The following E2F6 variants were observed in gnomAD, a reference collection of about 807,000 sequenced individuals.
The protein encoded by E2F6 is transcription factor E2F6.
A neutral mutation model predicts 31.5 loss-of-function variants in E2F6; 19 were observed. The observed-to-expected ratio is 0.60, with a 90% confidence interval of 0.42 to 0.89. The LOEUF (loss-of-function observed/expected upper bound fraction) is 0.89. Among genes scored for constraint, E2F6 ranks in the 40% least tolerant of loss-of-function variants. The pLI, the probability that E2F6 is intolerant of heterozygous loss-of-function variation, is 0.00. For missense variants in E2F6, 269 were observed against 341.6 expected, an observed-to-expected ratio of 0.79 and a Z score of 1.67; for synonymous variants, 121 against 127.7, an observed-to-expected ratio of 0.95 and a Z score of 0.36.
intron 2 of E2F6, chr2:11,455,446 A>G: frequency 7.7e-7 from 1 of 1,295,296 alleles, no homozygotes; most frequent in African/African-American, 1.5e-5. Flanking sequence ...CATAATATAA[A>G]TGTCTTCTCT....
In E2F6 at chr2:11,444,946, CAG is replaced by C. The variant is rs779281807; in HGVS notation, c.*1529_*1530del. 2 of 152,152 alleles carry C rather than the reference CAG, an allele frequency of 1.3e-5. No homozygotes were observed. Among genetic ancestry groups the C allele is most frequent in the Non-Finnish European group, 2.9e-5 (2 of 68,040 alleles). The allele number at this position is 152,152 out of a possible 1,614,324, so 9.4% of individuals were successfully genotyped here. ...CTTTGGCTAATTTCAAATAATAAAACAGAGGGAGGAAAAGCATTGAGGCTAAC... is the reference window on the plus strand; with the variant it reads ...CTTTGGCTAATTTCAAATAATAAAACAGGGAGGAAAAGCATTGAGGCTAAC... On this transcript the variant is annotated 3_prime_UTR_variant, in exon 7 of 7. Transcript: ENST00000381525.
At position 11,457,199 on chromosome 2, in the gene E2F6, A is replaced by C. The variant is rs2148351678; in HGVS notation, c.143T>G (p.Val48Gly). The change falls in exon 2 of 7, where the codon GTA (valine) becomes GGA (glycine). Residue 48 changes from valine to glycine, a missense_variant. Transcript: ENST00000381525. ...CTTACTTCTCATGGACACATATTGTACATTATCTTCTAAATTAATCCTTAT... is the reference window on the plus strand; with the variant it reads ...CTTACTTCTCATGGACACATATTGTCCATTATCTTCTAAATTAATCCTTAT... ...SKIRINLEDN[V>G]QYVSMRKALK... 6.4e-7 allele frequency: 1 copy of C among 1,571,092 alleles called. No homozygotes were observed. The highest frequency in any genetic ancestry group is 2.3e-5 in the East Asian group (1 of 44,426).
At chr2:11,447,926 T>C (rs1057140840) in intron 5 of E2F6, 152 bp from the exon 6 acceptor site, 4 of 847,798 alleles carry the variant, frequency 4.7e-6, no homozygotes, top group Admixed American at 3.0e-5. Context: ...TGAAGACAGC[T>C]ACATGTGATC....
chr2:11,449,623 G>A (rs1670934441), intron 5 of E2F6, among the ~76,000 whole-genome samples: 1 of 152,184 alleles, frequency 6.6e-6, no homozygotes, highest in Non-Finnish European at 1.5e-5. Flanking sequence ...AGTCTTTCAA[G>A]AGTTTGTTAA....
intron 6 of E2F6, 60 bp from the exon 7 acceptor site, chr2:11,446,583 T>C (rs1228511570): frequency 7.2e-6 from 10 of 1,394,388 alleles, no homozygotes; most frequent in Non-Finnish European, 1.0e-5. Context: ...GAAGGTCTGA[T>C]AGGCAAATAC....
At chr2:11,448,680 T>C (rs187922294) in intron 5 of E2F6, among the ~76,000 whole-genome samples, 2 of 152,340 alleles carry the variant, frequency 1.3e-5, no homozygotes, top group East Asian at 1.9e-4. Flanking sequence ...TACAATTTAA[T>C]AGATATTTCT....
intron 1 of E2F6, 32 bp from the exon 2 acceptor site, chr2:11,457,265 G>T: frequency 1.5e-6 from 2 of 1,357,264 alleles, no homozygotes; most frequent in South Asian, 1.2e-5. Flanking sequence ...TTAACTTAGT[G>T]ATTTTAAAAC....
At chr2:11,457,905 A>G (rs1671509701) in intron 1 of E2F6, among the ~76,000 whole-genome samples, 1 of 152,220 alleles carries the variant, frequency 6.6e-6, no homozygotes, top group South Asian at 2.1e-4. Context: ...GTAACTAGAA[A>G]CTTTTGCGTT....
chr2:11,447,689 T>C lies in E2F6; in HGVS notation c.737A>G (p.Lys246Arg). 1.9e-6 allele frequency: 3 copies of C among 1,612,118 alleles called. No individual in the cohort carries two copies. The highest frequency in any genetic ancestry group is 2.5e-6 in the Non-Finnish European group (3 of 1,179,938). ...CEVEQGQTSNKRSEGVGTSSS... is the reference protein window; with the variant it reads ...CEVEQGQTSNRRSEGVGTSSS... ...AGAGGTCCCGACACCTTCAGACCTT[T>C]TGTTACTGGTCTGACCCTGCTCCAC... The change falls in exon 6 of 7, where the codon AAA becomes AGA. Residue 246 changes from lysine (K) to arginine (R), a missense_variant. By Grantham distance (26) the Lys-to-Arg change is conservative. Coordinates refer to ENST00000381525, the MANE Select transcript of E2F6 (RefSeq NM_198256.4).
intron 2 of E2F6, among the ~76,000 whole-genome samples, chr2:11,456,528 T>C (rs1321783489): frequency 6.6e-6 from 1 of 152,212 alleles, no homozygotes; most frequent in Non-Finnish European, 1.5e-5. Context: ...GTAAGAATTC[T>C]AATCCATACC....
At chr2:11,455,635 T>C (rs1671356278) in intron 2 of E2F6, among the ~76,000 whole-genome samples, 1 of 152,354 alleles carries the variant, frequency 6.6e-6, no homozygotes, top group African/African-American at 2.4e-5. Flanking sequence ...CATGGTCTTA[T>C]ATGCTCAGGA....
intron 2 of E2F6, among the ~76,000 whole-genome samples, chr2:11,456,353 T>C (rs952380731): frequency 2.0e-5 from 3 of 152,026 alleles, no homozygotes; most frequent in Admixed American, 2.0e-4. Flanking sequence ...CTGACTGCCT[T>C]CTAAGAAGGA....
intron 1 of E2F6, among the ~76,000 whole-genome samples, chr2:11,460,440 G>C (rs1224394102): frequency 6.6e-6 from 1 of 152,102 alleles, no homozygotes. Context: ...AGATTCTCTG[G>C]CCTTTGGACT....
At chr2:11,448,845 T>A (rs936895864) in intron 5 of E2F6, among the ~76,000 whole-genome samples, 1 of 152,174 alleles carries the variant, frequency 6.6e-6, no homozygotes, top group Non-Finnish European at 1.5e-5. Flanking sequence ...TGTAAACAAA[T>A]GTGCATGTGG....
intron 3 of E2F6, 108 bp downstream of exon 3, chr2:11,453,474 G>A (rs889389204): frequency 3.3e-5 from 33 of 1,014,228 alleles, no homozygotes; most frequent in Middle Eastern, 3.2e-4. Context: ...ACAAGAAGTC[G>A]TACCTTTGTA....
intron 6 of E2F6, 88 bp from the exon 7 acceptor site, chr2:11,446,611 C>T: frequency 1.8e-6 from 2 of 1,116,556 alleles, no homozygotes; most frequent in Non-Finnish European, 2.7e-6. Context: ...AATACACAAT[C>T]TGACTACTTC....
At chr2:11,455,114 T>C (rs1671325941) in intron 2 of E2F6, among the ~76,000 whole-genome samples, 1 of 152,256 alleles carries the variant, frequency 6.6e-6, no homozygotes, top group Non-Finnish European at 1.5e-5. Flanking sequence ...TTGTGGGTTC[T>C]ATCCATTCTA....
chr2:11,456,085 C>A (rs149046879), intron 2 of E2F6, among the ~76,000 whole-genome samples: 2 of 152,080 alleles, frequency 1.3e-5, no homozygotes, highest in African/African-American at 4.8e-5. Flanking sequence ...GAAGAGGCTG[C>A]GGCATTAAGC....
At chr2:11,465,255 G>A (rs58711609) in intron 1 of E2F6, among the ~76,000 whole-genome samples, 22,698 of 151,622 alleles carry the variant, frequency 0.15, 2,163 homozygotes, top group Middle Eastern at 0.32. Context: ...GATAACCGCG[G>A]GGAATACAGC....
Sources: allele counts gnomAD v4.1 joint callset (sites outside exome capture counted in the v4.1 genomes callset), GRCh38; gene constraint gnomAD v4.1.1; transcripts MANE v1.5; gene names NCBI Gene and HGNC (gene_info 2026-07-23, HGNC 2026-07-21).